The following CDK7 variants were observed in gnomAD, a reference collection of about 807,000 sequenced individuals.
The protein encoded by CDK7 is cyclin dependent kinase 7.
A neutral mutation model predicts 49.1 loss-of-function variants in CDK7; 25 were observed. The observed-to-expected ratio is 0.51, with a 90% CI of 0.37 to 0.71. The LOEUF (loss-of-function observed/expected upper bound fraction) is 0.71. Among genes scored for constraint, CDK7 ranks in the 30% least tolerant of loss-of-function variants. CDK7 has a pLI of 0.00. For missense variants in CDK7, 316 were observed against 411.7 expected (o/e 0.77, Z 2.01); for synonymous variants, 107 against 140.0 (o/e 0.76, Z 1.67).
chr5:69,253,066 G>C (rs1036917463), intron 3 of CDK7, among the ~76,000 whole-genome samples: 4 of 151,906 alleles, frequency 2.6e-5, no homozygotes, highest in African/African-American at 9.7e-5. Flanking sequence ...TGTTTTTTCT[G>C]TTTCTGAGTT....
At chr5:69,270,366 G>A (rs1448443834) in intron 9 of CDK7, among the ~76,000 whole-genome samples, 2 of 152,182 alleles carry the variant, frequency 1.3e-5, no homozygotes, top group Non-Finnish European at 2.9e-5. Context: ...GATTGCTTGA[G>A]CCCAGGAAGT....
At chr5:69,241,956 G>A (rs1236123062) in intron 2 of CDK7, among the ~76,000 whole-genome samples, 1 of 152,094 alleles carries the variant, frequency 6.6e-6, no homozygotes, top group Admixed American at 6.6e-5. Context: ...TGTGCTTGTG[G>A]GGTATTACTC....
At chr5:69,250,810 G>A (rs368155226) in intron 2 of CDK7, 50 of 456,528 alleles carry the variant, frequency 1.1e-4, no homozygotes, top group African/African-American at 8.6e-4. Flanking sequence ...AATATGTCTC[G>A]GAGTTTCACC....
chr5:69,244,823 A>AGTATAT (rs1377687287), intron 2 of CDK7, among the ~76,000 whole-genome samples: 2 of 152,130 alleles, frequency 1.3e-5, no homozygotes, highest in African/African-American at 2.4e-5. Flanking sequence ...ATGGGTCTGT[A>AGTATAT]GTATATGGCT....
chr5:69,239,461 A>G (rs1266263532), intron 2 of CDK7, among the ~76,000 whole-genome samples: 6 of 151,990 alleles, frequency 3.9e-5, no homozygotes, highest in Non-Finnish European at 5.9e-5. Flanking sequence ...AATAGAGACA[A>G]GGTTTCACTT....
intron 3 of CDK7, among the ~76,000 whole-genome samples, chr5:69,252,976 T>C (rs1330117578): frequency 6.6e-6 from 1 of 152,206 alleles, no homozygotes; most frequent in East Asian, 1.9e-4. Context: ...ACATTCCAAA[T>C]CACCCACATA....
intron 8 of CDK7, among the ~76,000 whole-genome samples, chr5:69,263,570 G>T (rs1305034571): frequency 6.6e-6 from 1 of 152,150 alleles, no homozygotes; most frequent in African/African-American, 2.4e-5. Flanking sequence ...ATCATTTTGA[G>T]AAACTTACCC....
At chr5:69,260,561 A>C (rs1010567258) in intron 7 of CDK7, among the ~76,000 whole-genome samples, 3 of 152,168 alleles carry the variant, frequency 2.0e-5, no homozygotes, top group Non-Finnish European at 4.4e-5. Context: ...CATCTGATTT[A>C]TTGGACCCAT....
chr5:69,261,821 A>T (rs1003217178), intron 7 of CDK7, among the ~76,000 whole-genome samples: 2 of 151,914 alleles, frequency 1.3e-5, no homozygotes, highest in Non-Finnish European at 2.9e-5. Flanking sequence ...GAGCCACCAC[A>T]CCCGGCCTGA....
intron 6 of CDK7, among the ~76,000 whole-genome samples, chr5:69,258,949 AC>A (rs1204538127): frequency 7.2e-5 from 11 of 151,954 alleles, no homozygotes; most frequent in Non-Finnish European, 1.5e-4. Context: ...AGTGGTGCAC[AC>A]CTGTAGTCCC....
At position 69,276,526 on chromosome 5, in the gene CDK7, A is replaced by G; in HGVS notation, c.865-17A>G. 8 of 1,610,978 alleles carry G rather than the reference A, an allele frequency of 5.0e-6. No homozygotes were observed. The highest frequency in any genetic ancestry group is 6.8e-6 in the Non-Finnish European group (8 of 1,179,036). On this transcript the variant is annotated splice_polypyrimidine_tract_variant and intron_variant, in intron 10 of 11. Transcript: ENST00000256443. ...GATACTCACCTACCTTACTTTTGGT[A>G]TCTTTTCTTTTAAAAGGCACTGAAA... is the stretch of plus-strand genomic sequence containing the variant.
intron 2 of CDK7, 123 bp downstream of exon 2, chr5:69,235,576 A>C (rs1032958905): frequency 2.8e-6 from 2 of 716,774 alleles, no homozygotes; most frequent in African/African-American, 3.6e-5. Flanking sequence ...TCATTTTCAG[A>C]GACAAAATAA....
intron 5 of CDK7, 117 bp from the exon 6 acceptor site, chr5:69,257,924 AAC>A (rs1750585805): frequency 1.5e-6 from 1 of 652,060 alleles, no homozygotes; most frequent in African/African-American, 1.9e-5. Context: ...AAACTTAGAT[AAC>A]CTCTTTTGAG....
chr5:69,265,865 G>A (rs559195731), intron 8 of CDK7, among the ~76,000 whole-genome samples: 8 of 152,028 alleles, frequency 5.3e-5, no homozygotes, highest in Admixed American at 3.9e-4. Context: ...AGGTGATATC[G>A]TGCCACATCA....
chr5:69,246,694 AG>A (rs1182574655), intron 2 of CDK7, among the ~76,000 whole-genome samples: 2 of 144,204 alleles, frequency 1.4e-5, no homozygotes, highest in African/African-American at 5.3e-5. Context: ...GTTTATTTGA[AG>A]GTTTTGTTTT....
At chr5:69,273,579 C>CA (rs1232840887) in intron 10 of CDK7, among the ~76,000 whole-genome samples, 1 of 151,922 alleles carries the variant, frequency 6.6e-6, no homozygotes, top group Non-Finnish European at 1.5e-5. Context: ...TGAAATAAAA[C>CA]AAAAACTGAA....
Position 69,262,217 on chromosome 5 carries a change from C to T in CDK7, c.540C>T (p.Ala180=), listed in dbSNP as rs774610267. The change falls in exon 8 of 12, where the codon GCC becomes GCT. Residue 180 remains alanine, a synonymous_variant. Transcript: ENST00000256443. The part of the protein sequence containing the change: ...THQVVTRWYR[A]PELLFGARMY... The stretch of plus-strand genomic sequence containing the variant: ...TTTTGTTCTTTAGGTGGTATCGGGC[C>T]CCCGAGTTACTATTTGGAGCTAGGA... The T allele has an allele frequency of 9.3e-6, 15 of 1,613,614 alleles. No individual in the cohort carries two copies. Among genetic ancestry groups the T allele is most frequent in the Middle Eastern group, 3.5e-4 (2 of 5,694 alleles).
chr5:69,273,023 T>C lies in CDK7; in HGVS notation c.846T>C (p.Ala282=), dbSNP rs1180504447. 1.9e-6 allele frequency: 3 copies of C among 1,562,220 alleles called. No individual in the cohort carries two copies. Among genetic ancestry groups the C allele is most frequent in the Non-Finnish European group, 2.6e-6 (3 of 1,149,080 alleles). The change falls in exon 10 of 12, where the codon GCT becomes GCC. Residue 282 remains alanine (A), a synonymous_variant. Transcript: ENST00000256443. ...GCTTATTCTTATTTAATCCATGTGC[T>C]CGAATTACGGCCACACAGGTATTTT... is the stretch of plus-strand genomic sequence containing the variant. The part of the protein sequence containing the change: ...IQGLFLFNPC[A]RITATQALKM...
chr5:69,254,912 G>C (rs1750389477), intron 4 of CDK7, among the ~76,000 whole-genome samples: 1 of 152,184 alleles, frequency 6.6e-6, no homozygotes, highest in African/African-American at 2.4e-5. Context: ...AGTCTAGGGA[G>C]CTCTAGCATG....
Sources: gnomAD v4.1 joint callset for allele counts (sites outside exome capture counted in the v4.1 genomes callset) on GRCh38, gnomAD v4.1.1 for gene constraint, MANE v1.5 for transcripts, NCBI Gene and HGNC (gene_info 2026-07-23, HGNC 2026-07-21) for gene names.